Variants in ADAMTS19 observed in about 807,000 individuals in gnomAD.
The protein encoded by ADAMTS19 is A disintegrin and metalloproteinase with thrombospondin motifs 19.
A neutral mutation model predicts 153.3 loss-of-function variants in ADAMTS19; 93 were observed. That is an observed-to-expected ratio of 0.61 (90% CI 0.51 to 0.72). ADAMTS19 has a LOEUF of 0.72. Ranked by LOEUF, ADAMTS19 falls within the 30% of genes least tolerant of loss-of-function variation. The pLI is 0.00. For missense variants in ADAMTS19, 1,482 were observed against 1,552.1 expected, an observed-to-expected ratio of 0.95 and a Z score of 0.76; for synonymous variants, 600 against 556.6, an observed-to-expected ratio of 1.08 and a Z score of -1.10.
intron 6 of ADAMTS19, among the ~76,000 whole-genome samples, chr5:129,550,986 T>C (rs149430781): frequency 2.5e-4 from 38 of 151,840 alleles, no homozygotes; most frequent in African/African-American, 8.2e-4. Flanking sequence ...TTTCAATACC[T>C]TATATGTGTT....
intron 7 of ADAMTS19, among the ~76,000 whole-genome samples, chr5:129,573,420 T>G (rs565424279): frequency 7.2e-5 from 11 of 152,222 alleles, no homozygotes; most frequent in African/African-American, 2.6e-4. Context: ...CATTTCAGTA[T>G]GCCTTTCTTA....
chr5:129,632,054 G>T (rs1349142815), intron 10 of ADAMTS19, among the ~76,000 whole-genome samples: 3 of 151,890 alleles, frequency 2.0e-5, no homozygotes, highest in East Asian at 3.9e-4. Context: ...TATTTAAAGG[G>T]CCAGATAGTA....
intron 7 of ADAMTS19, among the ~76,000 whole-genome samples, chr5:129,593,956 A>G (rs937133804): frequency 1.3e-5 from 2 of 152,126 alleles, no homozygotes; most frequent in African/African-American, 2.4e-5. Context: ...TTTGACCTAT[A>G]TATCAAATAA....
chr5:129,611,019 T>A (rs1751185522), intron 8 of ADAMTS19, among the ~76,000 whole-genome samples: 1 of 152,200 alleles, frequency 6.6e-6, no homozygotes, highest in South Asian at 2.1e-4. Flanking sequence ...GTGGTTTTGA[T>A]TTGCATTTGT....
intron 16 of ADAMTS19, among the ~76,000 whole-genome samples, chr5:129,667,017 T>A (rs919248441): frequency 6.6e-6 from 1 of 152,194 alleles, no homozygotes; most frequent in African/African-American, 2.4e-5. Flanking sequence ...CTCCAATTTC[T>A]TACCTCCCAG....
At chr5:129,486,512 A>G (rs1309146247) in intron 2 of ADAMTS19, among the ~76,000 whole-genome samples, 1 of 152,218 alleles carries the variant, frequency 6.6e-6, no homozygotes, top group Non-Finnish European at 1.5e-5. Flanking sequence ...TACATGCAGA[A>G]AGATAACTTG....
intron 10 of ADAMTS19, among the ~76,000 whole-genome samples, chr5:129,632,174 G>A (rs1366145751): frequency 6.6e-6 from 1 of 152,000 alleles, no homozygotes; most frequent in Non-Finnish European, 1.5e-5. Context: ...CAGTTGGCCA[G>A]TCTCCAGGCC....
chr5:129,702,941 A>AAAAAAATATATATATATAT, intron 20 of ADAMTS19, among the ~76,000 whole-genome samples: 15 of 29,278 alleles, frequency 5.1e-4, no homozygotes, highest in Admixed American at 2.8e-3. Flanking sequence ...AAAAAAAAAA[A>AAAAAAATATATATATATAT]ATATATATAT....
intron 1 of ADAMTS19, 151 bp downstream of exon 1, chr5:129,460,633 T>C: frequency 2.5e-6 from 2 of 788,914 alleles, no homozygotes; most frequent in East Asian, 2.6e-5. Context: ...GGTTAAGGGG[T>C]CAAGTTCGGA....
chr5:129,632,009 C>A (rs982992598), intron 10 of ADAMTS19, among the ~76,000 whole-genome samples: 1 of 152,008 alleles, frequency 6.6e-6, no homozygotes, highest in African/African-American at 2.4e-5. Context: ...CTTTAAGAGG[C>A]CTGATCTGGG....
intron 16 of ADAMTS19, among the ~76,000 whole-genome samples, chr5:129,670,887 C>T (rs1041118597): frequency 5.9e-5 from 9 of 152,240 alleles, no homozygotes; most frequent in Middle Eastern, 3.4e-3. Context: ...TAAAAGACCA[C>T]TCAGTTTAAA....
At chr5:129,485,789 C>CATTT (rs1002386707) in intron 2 of ADAMTS19, among the ~76,000 whole-genome samples, 42 of 151,650 alleles carry the variant, frequency 2.8e-4, no homozygotes, top group Admixed American at 5.3e-4. Context: ...TGAATGTGTT[C>CATTT]ATTTATTTAT....
intron 21 of ADAMTS19, among the ~76,000 whole-genome samples, chr5:129,719,640 TAGTC>T (rs1339576501): frequency 1.3e-5 from 2 of 152,220 alleles, no homozygotes; most frequent in African/African-American, 2.4e-5. Context: ...CAGCAGTTGT[TAGTC>T]AAATAAGTAG....
Position 129,526,302 on chromosome 5 carries a change from C to A in ADAMTS19, c.932C>A (p.Ser311Tyr), listed in dbSNP as rs749760197. 5 of 1,587,436 alleles carry A rather than the reference C, an allele frequency of 3.1e-6. No homozygotes were observed. The highest frequency in any genetic ancestry group is 4.3e-6 in the Non-Finnish European group (5 of 1,170,056). ...GTTGCAGATAAAGGAAGACCTAGGT[C>A]TAGAAAAATAGCAGAAAGTGGAAGA... ...GIISDKGRPR[S>Y]RKIAESGRGK... The change falls in exon 4 of 23, where the codon TCT becomes TAT. Residue 311 changes from serine to tyrosine, a missense_variant. Coordinates refer to ENST00000274487, the MANE Select transcript of ADAMTS19 (RefSeq NM_133638.6).
chr5:129,695,957 T>C (rs1016443934), intron 19 of ADAMTS19, among the ~76,000 whole-genome samples: 1 of 152,178 alleles, frequency 6.6e-6, no homozygotes, highest in African/African-American at 2.4e-5. Context: ...ATAACTGATA[T>C]AACCGTCTTC....
intron 21 of ADAMTS19, among the ~76,000 whole-genome samples, chr5:129,716,794 G>T (rs1420451011): frequency 6.6e-6 from 1 of 152,074 alleles, no homozygotes; most frequent in Non-Finnish European, 1.5e-5. Flanking sequence ...CTATTCACGA[G>T]ATGGTTGCAT....
intron 10 of ADAMTS19, among the ~76,000 whole-genome samples, chr5:129,623,717 C>G (rs1751889896): frequency 1.3e-5 from 2 of 152,114 alleles, no homozygotes; most frequent in Non-Finnish European, 2.9e-5. Context: ...GTTTCTCCAG[C>G]ATCTAGCCTA....
chr5:129,578,087 CATATACATACATAT>C (rs1749268903), intron 7 of ADAMTS19, among the ~76,000 whole-genome samples: 1 of 38,714 alleles, frequency 2.6e-5, no homozygotes, highest in Non-Finnish European at 1.2e-4. Flanking sequence ...CACATATATA[CATATACATACATAT>C]ACATATGCAT....
chr5:129,553,903 T>C (rs898209673), intron 7 of ADAMTS19, among the ~76,000 whole-genome samples: 1 of 152,200 alleles, frequency 6.6e-6, no homozygotes, highest in Non-Finnish European at 1.5e-5. Context: ...TTCTGTATTA[T>C]GGACTCCATC....
Sources: gnomAD v4.1 joint callset for allele counts (sites outside exome capture counted in the v4.1 genomes callset) on GRCh38, gnomAD v4.1.1 for gene constraint, MANE v1.5 for transcripts, NCBI Gene and HGNC (gene_info 2026-07-23, HGNC 2026-07-21) for gene names.